The following DIP2A variants were observed in gnomAD, a reference collection of about 807,000 sequenced individuals.
DIP2A encodes the protein DIP2 acetate--CoA ligase A, also known as disco-interacting protein 2 homolog A.
A neutral mutation model predicts 177.4 loss-of-function variants in DIP2A; 85 were observed. That is an observed-to-expected ratio of 0.48 (90% CI 0.40 to 0.57). The LOEUF is 0.57. DIP2A is among the 20% of genes least tolerant of loss of function. The pLI is 0.00. For missense variants in DIP2A, 1,791 were observed against 2,100.2 expected (o/e 0.85, Z 2.88); for synonymous variants, 886 against 881.8 (o/e 1.00, Z -0.08).
At chr21:46,465,748 TA>T (rs1001295434) in intron 1 of DIP2A, among the ~76,000 whole-genome samples, 65 of 148,794 alleles carry the variant, frequency 4.4e-4, no homozygotes, top group African/African-American at 1.3e-3. Context: ...CAGTAAAAAT[TA>T]AAAAAAAAAA....
intron 9 of DIP2A, among the ~76,000 whole-genome samples, chr21:46,529,605 G>GA (rs111985953): frequency 0.13 from 15,235 of 119,980 alleles, 1,114 homozygotes; most frequent in African/African-American, 0.23. Flanking sequence ...GTCTCAAAGA[G>GA]AAAAAAAAAA....
chr21:46,461,626 G>A (rs1019954849), intron 1 of DIP2A, among the ~76,000 whole-genome samples: 20 of 152,220 alleles, frequency 1.3e-4, no homozygotes, highest in Non-Finnish European at 2.6e-4. Context: ...TGAAAGAAAT[G>A]TTTCCTATCT....
intron 11 of DIP2A, 26 bp downstream of exon 11, chr21:46,533,673 T>C: frequency 6.2e-7 from 1 of 1,613,482 alleles, no homozygotes; most frequent in Non-Finnish European, 8.5e-7. Flanking sequence ...GGAAGGGGAG[T>C]CAGTGTTCTG....
chr21:46,468,106 A>T (rs999267696), intron 1 of DIP2A, among the ~76,000 whole-genome samples: 3 of 147,644 alleles, frequency 2.0e-5, no homozygotes, highest in Non-Finnish European at 4.5e-5. Context: ...TCTACTAAAT[A>T]AAAAAAAAAA....
intron 4 of DIP2A, among the ~76,000 whole-genome samples, chr21:46,497,716 C>CAA (rs985455945): frequency 2.0e-5 from 3 of 152,112 alleles, no homozygotes; most frequent in Admixed American, 1.3e-4. Flanking sequence ...TTTAAAGTAT[C>CAA]AAAAATAGTG....
intron 3 of DIP2A, among the ~76,000 whole-genome samples, chr21:46,491,469 A>T (rs952552126): frequency 2.0e-5 from 3 of 152,248 alleles, no homozygotes; most frequent in Non-Finnish European, 4.4e-5. Flanking sequence ...CGAACAGATA[A>T]TGTCTTACCA....
intron 5 of DIP2A, among the ~76,000 whole-genome samples, chr21:46,501,335 A>ACTTTTAATTATAGTAGCTT (rs1251170954): frequency 6.6e-6 from 1 of 152,140 alleles, no homozygotes; most frequent in Non-Finnish European, 1.5e-5. Context: ...TAAAAGCAGT[A>ACTTTTAATTATAGTAGCTT]CTTTTAATTA....
rs1338388529 is a variant in DIP2A, at chr21:46,469,903, G to A, written c.91+10681G>A. Among the ~76,000 whole-genome samples the A allele has an allele frequency of 4.6e-5, 7 of 152,038 alleles. No individual in the cohort carries two copies. In the East Asian group the frequency reaches 1.3e-3, roughly 29 times the overall value. Reference sequence around the variant, plus strand: ...GTGTGACTGCTTCTCTTATCATCAGGGCAGGTCAGGGGCCAGGATACCTGT... The same window carrying A: ...GTGTGACTGCTTCTCTTATCATCAGAGCAGGTCAGGGGCCAGGATACCTGT... On this transcript the variant is annotated intron_variant, in intron 1 of 37. Transcript: ENST00000417564.
intron 17 of DIP2A, among the ~76,000 whole-genome samples, chr21:46,540,470 C>T (rs2059767524): frequency 6.6e-6 from 1 of 152,076 alleles, no homozygotes; most frequent in Admixed American, 6.5e-5. Flanking sequence ...GCATGTTGAG[C>T]CTGCAGACTG....
At chr21:46,541,364 G>A (rs144744871) in intron 17 of DIP2A, among the ~76,000 whole-genome samples, 1 of 152,174 alleles carries the variant, frequency 6.6e-6, no homozygotes, top group Non-Finnish European at 1.5e-5. Context: ...GCCCCCACCT[G>A]GTCTCTCAGA....
At chr21:46,523,707 T>C (rs2058935853) in intron 8 of DIP2A, among the ~76,000 whole-genome samples, 1 of 152,226 alleles carries the variant, frequency 6.6e-6, no homozygotes, top group South Asian at 2.1e-4. Flanking sequence ...GAGCATCCAA[T>C]TCTGAGCTTG....
chr21:46,505,448 A>C (rs2057925459), intron 6 of DIP2A, among the ~76,000 whole-genome samples: 1 of 152,088 alleles, frequency 6.6e-6, no homozygotes, highest in African/African-American at 2.4e-5. Flanking sequence ...CTCTACTAAA[A>C]ATACAAAAAA....
At chr21:46,580,756 A>G in the DIP2A span, among the ~76,000 whole-genome samples, 1 of 152,200 alleles carries the variant, frequency 6.6e-6, no homozygotes, top group South Asian at 2.1e-4. Context: ...TTCTTTAAGA[A>G]TGTTGAATAT....
At chr21:46,513,406 A>G (rs1409683295) in intron 8 of DIP2A, among the ~76,000 whole-genome samples, 1 of 152,178 alleles carries the variant, frequency 6.6e-6, no homozygotes, top group Non-Finnish European at 1.5e-5. Context: ...ATAGTGGGTG[A>G]AAAATGTACT....
intron 8 of DIP2A, among the ~76,000 whole-genome samples, chr21:46,517,488 G>A (rs760870438): frequency 6.6e-6 from 1 of 152,158 alleles, no homozygotes; most frequent in Non-Finnish European, 1.5e-5. Flanking sequence ...GTGGCTGGCT[G>A]GTCGCTGCAG....
At chr21:46,501,076 C>T (rs1024816401) in intron 5 of DIP2A, among the ~76,000 whole-genome samples, 3 of 152,180 alleles carry the variant, frequency 2.0e-5, no homozygotes, top group African/African-American at 7.2e-5. Flanking sequence ...ATTTGAATTT[C>T]TAAATCTCAA....
intron 7 of DIP2A, 106 bp downstream of exon 7, chr21:46,509,482 T>G (rs2058200526): frequency 7.4e-7 from 1 of 1,349,210 alleles, no homozygotes; most frequent in South Asian, 1.8e-5. Flanking sequence ...GCTATATATA[T>G]TCTGTTTCCA....
downstream of DIP2A, among the ~76,000 whole-genome samples, chr21:46,571,160 GAACT>G (rs1419692334): frequency 6.6e-6 from 1 of 152,168 alleles, no homozygotes; most frequent in South Asian, 2.1e-4. Flanking sequence ...GCCTTCTTAT[GAACT>G]AACTGCACGT....
rs1202206872 is a variant in DIP2A at position 46,458,972 on chromosome 21, G to A, written c.-160G>A. On this transcript the variant is annotated 5_prime_UTR_variant, in exon 1 of 38. Coordinates refer to ENST00000417564, the MANE Select transcript of DIP2A (RefSeq NM_015151.4). ...CATCCGCGCTCGTGCCCGCGCGGGT[G>A]CGTTGCTGTCCTGGCCGCGCCCCTG... The A allele has an allele frequency of 6.5e-6, 3 of 458,828 alleles. No individual in the cohort carries two copies. Among genetic ancestry groups the A allele is most frequent in the Non-Finnish European group, 1.1e-5 (3 of 283,112 alleles). 28.4% of individuals were successfully genotyped at this position (458,828 alleles called of 1,614,324 possible).
Sources: allele counts gnomAD v4.1 joint callset (sites outside exome capture counted in the v4.1 genomes callset), GRCh38; gene constraint gnomAD v4.1.1; transcripts MANE v1.5; gene names NCBI Gene and HGNC (gene_info 2026-07-23, HGNC 2026-07-21).